Variants in ZNF814 observed in about 807,000 individuals in gnomAD.
ZNF814 encodes the protein zinc finger protein 814.
Under a neutral mutation model 7.5 loss-of-function variants are expected in ZNF814, and 5 were observed. The ratio of observed to expected loss-of-function variants is 0.67; its 90% CI spans 0.35 to 1.40. The LOEUF (loss-of-function observed/expected upper bound fraction) is 1.40. Among genes scored for constraint, ZNF814 ranks in the 40% most tolerant of loss-of-function variants. The pLI, the probability that ZNF814 is intolerant of heterozygous loss-of-function variation, is 0.04. For missense variants in ZNF814, 962 were observed against 1,018.0 expected, an observed-to-expected ratio of 0.94 and a Z score of 0.75; for synonymous variants, 315 against 340.7, an observed-to-expected ratio of 0.92 and a Z score of 0.83.
chr19:57,901,039 G>C, the ZNF814 span, among the ~76,000 whole-genome samples: 1 of 148,166 alleles, frequency 6.7e-6, no homozygotes, highest in Non-Finnish European at 1.5e-5. Flanking sequence ...TAGTAGAGAC[G>C]GGGTTTCACC....
At chr19:57,903,773 G>A in the ZNF814 span, among the ~76,000 whole-genome samples, 6 of 152,168 alleles carry the variant, frequency 3.9e-5, no homozygotes, top group Non-Finnish European at 7.3e-5. Flanking sequence ...CTACAGATGC[G>A]GAAGCCGCTT....
rs769987210 is a variant in ZNF814, at chr19:57,869,480, CAGAA to C, written c.*3338_*3341del. 4 of 151,832 alleles carry C rather than the reference CAGAA, an allele frequency of 2.6e-5. No individual in the cohort carries two copies. Among genetic ancestry groups the C allele is most frequent in the Non-Finnish European group, 5.9e-5 (4 of 67,980 alleles). 9.4% of individuals were successfully genotyped at this position (151,832 alleles called of 1,614,324 possible). The stretch of plus-strand genomic sequence containing the variant: ...AGTAAATCATTGGTTGTCTGGAGAA[CAGAA>C]AGAAAGCCTTTATAAAAAGGTTCCA... On this transcript the variant is annotated 3_prime_UTR_variant, in exon 3 of 3. Coordinates refer to ENST00000435989, the MANE Select transcript of ZNF814 (RefSeq NM_001144989.2).
Position 57,874,930 on chromosome 19 carries a change from C to A in ZNF814, c.460G>T (p.Glu154Ter), listed in dbSNP as rs772557952. 5 of 1,613,062 alleles carry A rather than the reference C, an allele frequency of 3.1e-6. No homozygotes were observed. In the South Asian group the frequency reaches 5.5e-5, roughly 18 times the overall value. The change falls in exon 3 of 3, where the codon GAG (glutamate) becomes TAG (stop). Residue 154 changes from glutamate to a stop codon, truncating the protein, a stop_gained. Transcript: ENST00000435989. LOFTEE classifies it low-confidence loss of function (END_TRUNC). ...TTACACCTCTTTGCAAACAACGCCT[C>A]CTCAACACTCCCTCTGTAGGGTTTC... ...GEKPYRGSVE[E>*]ALFAKRCKLH...
At position 57,872,389 on chromosome 19, in the gene ZNF814, T is replaced by A; in HGVS notation, c.*433A>T. ...CCTGTGTGTTATGAAGCTAGATTTC[T>A]ACATAAATATCTCACATGTCACACT... On this transcript the variant is annotated 3_prime_UTR_variant, in exon 3 of 3. Transcript: ENST00000435989. 4.5e-6 allele frequency: 1 copy of A among 221,238 alleles called. No individual in the cohort carries two copies. The highest frequency in any genetic ancestry group is 8.9e-6 in the Non-Finnish European group (1 of 112,082). 13.7% of individuals were successfully genotyped at this position (221,238 alleles called of 1,614,324 possible).
intron 2 of ZNF814, among the ~76,000 whole-genome samples, 169 bp from the exon 3 acceptor site, chr19:57,875,395 C>T (rs891220167): frequency 8.5e-5 from 13 of 152,260 alleles, no homozygotes; most frequent in African/African-American, 1.9e-4. Context: ...TGGACTATAA[C>T]GGTCACAGAA....
intron 1 of ZNF814, among the ~76,000 whole-genome samples, chr19:57,884,296 A>G (rs2071671712): frequency 6.6e-6 from 1 of 152,218 alleles, no homozygotes; most frequent in African/African-American, 2.4e-5. Context: ...TCCCATTTAA[A>G]AATCTCAATA....
In ZNF814 at chr19:57,888,994, G is replaced by A. The variant is rs1223861711; in HGVS notation, c.-192C>T. On this transcript the variant is annotated 5_prime_UTR_variant, in exon 1 of 3. Transcript: ENST00000435989. ...TCAGTCACCACAGTGCGGACCTAGC[G>A]CTCAGGAGCCTCTCCTACAAATAAA... 10 of 601,372 alleles carry A rather than the reference G, an allele frequency of 1.7e-5. No homozygotes were observed. The highest frequency in any genetic ancestry group is 1.2e-4 in the Admixed American group (4 of 33,536). 37.3% of individuals were successfully genotyped at this position (601,372 alleles called of 1,614,324 possible).
chr19:57,893,574 C>A (rs1250633047), upstream of ZNF814, among the ~76,000 whole-genome samples: 3 of 151,312 alleles, frequency 2.0e-5, no homozygotes, highest in Admixed American at 1.3e-4. Flanking sequence ...GTCAGGAGTT[C>A]GACAACAGCC....
intron 1 of ZNF814, among the ~76,000 whole-genome samples, chr19:57,884,447 T>C (rs2071673174): frequency 6.6e-6 from 1 of 152,090 alleles, no homozygotes; most frequent in East Asian, 1.9e-4. Flanking sequence ...CCCCCATCTC[T>C]ACAAAAAAGT....
At position 57,872,466 on chromosome 19, in the gene ZNF814, T is replaced by C; in HGVS notation, c.*356A>G. The C allele has an allele frequency of 2.4e-6, 1 of 417,808 alleles. No individual in the cohort carries two copies. The highest frequency in any genetic ancestry group is 3.9e-5 in the Admixed American group (1 of 25,356). 25.9% of individuals were successfully genotyped at this position (417,808 alleles called of 1,614,324 possible). Reference sequence around the variant, plus strand: ...CTGATCTTGAAGGAGCAAAGAGGTGTGGCTACAAAATTGCCCAAATGTATT... The same window carrying C: ...CTGATCTTGAAGGAGCAAAGAGGTGCGGCTACAAAATTGCCCAAATGTATT... On this transcript the variant is annotated 3_prime_UTR_variant, in exon 3 of 3. Transcript: ENST00000435989.
At chr19:57,899,668 G>GA in the ZNF814 span, among the ~76,000 whole-genome samples, 3 of 152,162 alleles carry the variant, frequency 2.0e-5, no homozygotes, top group East Asian at 3.8e-4. Flanking sequence ...ATTACTTGAA[G>GA]AAAAAATTCA....
intron 1 of ZNF814, among the ~76,000 whole-genome samples, chr19:57,878,827 G>C (rs770100537): frequency 1.3e-5 from 2 of 152,168 alleles, no homozygotes; most frequent in Non-Finnish European, 2.9e-5. Flanking sequence ...AGCACTCTGG[G>C]AGGCCAAAGT....
chr19:57,873,738 CCA>C lies in ZNF814; in HGVS notation c.1650_1651del (p.Cys550TrpfsTer8). On this transcript the variant is annotated frameshift_variant, in exon 3 of 3. Transcript: ENST00000435989. LOFTEE classifies it low-confidence loss of function (END_TRUNC). ...ATGACTAAAAGATTTCCCACACTCT[CCA>C]CACTCATAAAGTCTGTCCCCAGTGT... The C allele has an allele frequency of 6.2e-7, 1 of 1,613,482 alleles. No individual in the cohort carries two copies. Among genetic ancestry groups the C allele is most frequent in the South Asian group, 1.1e-5 (1 of 91,000 alleles).
the ZNF814 span, among the ~76,000 whole-genome samples, chr19:57,904,664 G>T: frequency 3.9e-5 from 6 of 152,076 alleles, no homozygotes; most frequent in Non-Finnish European, 8.8e-5. Flanking sequence ...TTGTAATCTC[G>T]TAACTTTCCA....
the ZNF814 span, chr19:57,901,644 C>T: frequency 2.5e-6 from 1 of 398,642 alleles, no homozygotes. Flanking sequence ...AGGAAAAGAC[C>T]AAGAATACTC....
At chr19:57,878,166 C>CAAAAAAAAAAAAAAAAAAA in intron 1 of ZNF814, among the ~76,000 whole-genome samples, 1 of 88,438 alleles carries the variant, frequency 1.1e-5, no homozygotes, top group Admixed American at 1.3e-4. Flanking sequence ...AACTCTGTCT[C>CAAAAAAAAAAAAAAAAAAA]AAAAAAAAAA....
rs765528281 is a variant in ZNF814, at chr19:57,874,757, TC to T, written c.632del (p.Gly211GlufsTer10). On this transcript the variant is annotated frameshift_variant, in exon 3 of 3. Transcript: ENST00000435989. LOFTEE classifies it low-confidence loss of function (END_TRUNC). ...TECVSPIQCG[G>X]AHYSCGESMK... ...TGGATTCTCCACAGCTGTAGTGAGCTCCCCCACACTGAATGGGAGACACACA... is the reference window on the plus strand; with the variant it reads ...TGGATTCTCCACAGCTGTAGTGAGCTCCCCACACTGAATGGGAGACACACA... The T allele has an allele frequency of 2.5e-6, 4 of 1,613,524 alleles. No individual in the cohort carries two copies. In the South Asian group the frequency reaches 3.3e-5, roughly 13 times the overall value.
intron 1 of ZNF814, among the ~76,000 whole-genome samples, chr19:57,879,764 A>C (rs945448661): frequency 4.9e-5 from 7 of 143,154 alleles, no homozygotes; most frequent in African/African-American, 1.8e-4. Flanking sequence ...ATCTCAGCTG[A>C]TACAGCTTCT....
In ZNF814 at chr19:57,874,018, G is replaced by C; in HGVS notation, c.1372C>G (p.His458Asp). 1 of 1,613,398 alleles carries C rather than the reference G, an allele frequency of 6.2e-7. No homozygotes were observed. Among genetic ancestry groups the C allele is most frequent in the Non-Finnish European group, 8.5e-7 (1 of 1,179,738 alleles). ...CACTTGAAAGGTCTTTCTCCGGCGT[G>C]AACTCGTTGATGGCTCCTAAGATGT... ...EGHLRSHQRV[H>D]AGERPFKCGE... The change falls in exon 3 of 3, where the codon CAC (histidine) becomes GAC (aspartate). Residue 458 changes from histidine to aspartate, a missense_variant. Physicochemically the swap from His to Asp is moderately conservative, Grantham distance 81. Transcript: ENST00000435989.
Sources: allele counts gnomAD v4.1 joint callset (sites outside exome capture counted in the v4.1 genomes callset), GRCh38; gene constraint gnomAD v4.1.1; transcripts MANE v1.5; gene names NCBI Gene and HGNC (gene_info 2026-07-23, HGNC 2026-07-21).